PTPRA: variants seen among roughly 807,000 people sequenced by gnomAD.
PTPRA encodes receptor-type tyrosine-protein phosphatase alpha.
A neutral mutation model predicts 104.8 loss-of-function variants in PTPRA; 25 were observed. The observed-to-expected ratio is 0.24, with a 90% CI of 0.17 to 0.33. The LOEUF (loss-of-function observed/expected upper bound fraction) is 0.33, where lower values mean the gene tolerates loss of function less well. Ranked by LOEUF, PTPRA falls within the 10% of genes least tolerant of loss-of-function variation. The pLI, the probability that PTPRA is intolerant of heterozygous loss-of-function variation, is 1.00. For missense variants in PTPRA, 765 were observed against 1,015.3 expected, an observed-to-expected ratio of 0.75 and a Z score of 3.35; for synonymous variants, 323 against 368.9, an observed-to-expected ratio of 0.88 and a Z score of 1.43.
chr20:2,885,903 A>C (rs1001489481), intron 1 of PTPRA, among the ~76,000 whole-genome samples: 3 of 151,808 alleles, frequency 2.0e-5, no homozygotes, highest in Non-Finnish European at 4.4e-5. Flanking sequence ...GTCTCTACTA[A>C]AAATACAAAA....
intron 2 of PTPRA, among the ~76,000 whole-genome samples, chr20:2,931,016 G>C (rs2147503116): frequency 6.6e-6 from 1 of 152,330 alleles, no homozygotes; most frequent in East Asian, 1.9e-4. Context: ...GGGTTGGAGA[G>C]ATGTTAGCTG....
At chr20:2,876,929 T>C (rs2089757371) in intron 1 of PTPRA, among the ~76,000 whole-genome samples, 1 of 152,166 alleles carries the variant, frequency 6.6e-6, no homozygotes, top group Non-Finnish European at 1.5e-5. Context: ...GCCAGTTTCT[T>C]TGAATTTACA....
At chr20:2,947,799 G>A (rs967789) in intron 2 of PTPRA, among the ~76,000 whole-genome samples, 183 bp from the exon 3 acceptor site, 95,789 of 151,974 alleles carry the variant, frequency 0.63, 31,146 homozygotes, top group East Asian at 0.88. Context: ...AGTATCTGAT[G>A]AATATGGTGA....
At chr20:2,979,821 G>A (rs1437835530) in intron 6 of PTPRA, among the ~76,000 whole-genome samples, 1 of 152,228 alleles carries the variant, frequency 6.6e-6, no homozygotes. Flanking sequence ...TGGGCTTACA[G>A]GCATGAGCCA....
rs767634049 is a variant in PTPRA, at chr20:3,038,180, G to A, written c.*47G>A. ...CCAGGAGGATTGCCTTTAATATTTTGTAATATTCTGTTTTGTTAATATACC... is the reference window on the plus strand; with the variant it reads ...CCAGGAGGATTGCCTTTAATATTTTATAATATTCTGTTTTGTTAATATACC... On this transcript the variant is annotated 3_prime_UTR_variant, in exon 24 of 24. Transcript: ENST00000399903. The A allele has an allele frequency of 6.1e-5, 93 of 1,520,968 alleles. No homozygotes were observed. Among genetic ancestry groups the A allele is most frequent in the Non-Finnish European group, 8.0e-5 (88 of 1,096,648 alleles). The allele number at this position is 1,520,968 out of a possible 1,614,324, so 94.2% of individuals were successfully genotyped here.
At chr20:2,977,391 G>A (rs2062480220) in intron 6 of PTPRA, among the ~76,000 whole-genome samples, 2 of 151,416 alleles carry the variant, frequency 1.3e-5, no homozygotes, top group African/African-American at 4.9e-5. Flanking sequence ...TTTTAAGAGT[G>A]TTAGGGCACT....
At chr20:2,939,268 A>G (rs2060817608) in intron 2 of PTPRA, among the ~76,000 whole-genome samples, 1 of 152,204 alleles carries the variant, frequency 6.6e-6, no homozygotes, top group African/African-American at 2.4e-5. Context: ...TCATTTCTCT[A>G]GCTCTCTCCT....
intron 11 of PTPRA, among the ~76,000 whole-genome samples, chr20:3,012,326 A>T (rs2064212857): frequency 6.6e-6 from 1 of 152,236 alleles, no homozygotes; most frequent in Admixed American, 6.5e-5. Context: ...ACAAATGATG[A>T]GGGTTGACAA....
chr20:2,976,558 TA>T (rs1362950177), intron 6 of PTPRA, among the ~76,000 whole-genome samples: 1 of 152,236 alleles, frequency 6.6e-6, no homozygotes, highest in Non-Finnish European at 1.5e-5. Flanking sequence ...TAAAGTCTAT[TA>T]ATGTAATAAA....
At chr20:2,962,391 T>C (rs1037215110) in intron 3 of PTPRA, among the ~76,000 whole-genome samples, 6 of 152,214 alleles carry the variant, frequency 3.9e-5, no homozygotes, top group African/African-American at 1.4e-4. Context: ...TTTTCAAGCA[T>C]TTAATTTTTA....
In PTPRA at chr20:3,038,119, G is replaced by T; in HGVS notation, c.2395G>T (p.Ala799Ser). The change falls in exon 24 of 24, where the codon GCC becomes TCC. Residue 799 changes from alanine to serine, a missense_variant. By Grantham distance (99) the Ala-to-Ser change is moderately conservative (BLOSUM62 1). Transcript: ENST00000399903. The part of the protein sequence containing the change: ...QEYIDAFSDY[A>S]NFK The stretch of plus-strand genomic sequence containing the variant: ...GTATATTGATGCATTCTCAGATTAT[G>T]CCAACTTCAAGTAAGCGGCAACAAG... 1 of 1,611,548 alleles carries T rather than the reference G, an allele frequency of 6.2e-7. No homozygotes were observed. Among genetic ancestry groups the T allele is most frequent in the Non-Finnish European group, 8.5e-7 (1 of 1,177,640 alleles).
At position 3,027,757 on chromosome 20, in the gene PTPRA, C is replaced by T. The variant is rs769444158; in HGVS notation, c.1836C>T (p.His612=). ...TCGCCAGCCAGGGCCCTCTTCTCCA[C>T]ACAATTGAGGACTTCTGGCGAATGA... The part of the protein sequence containing the change: ...SYIASQGPLL[H]TIEDFWRMIW... Residue 612 remains histidine, a synonymous_variant, in exon 20 of 24, where the codon CAC becomes CAT. Coordinates refer to ENST00000399903, the MANE Select transcript of PTPRA (RefSeq NM_001385305.1). 1 of 1,614,148 alleles carries T rather than the reference C, an allele frequency of 6.2e-7. No homozygotes were observed. The highest frequency in any genetic ancestry group is 8.5e-7 in the Non-Finnish European group (1 of 1,180,028).
intron 5 of PTPRA, among the ~76,000 whole-genome samples, chr20:2,967,034 T>C (rs2061973012): frequency 6.6e-6 from 1 of 152,226 alleles, no homozygotes; most frequent in African/African-American, 2.4e-5. Flanking sequence ...TGTCTTTCAT[T>C]TAACAGTTCT....
chr20:2,941,994 A>G (rs2060941424), intron 2 of PTPRA, among the ~76,000 whole-genome samples: 1 of 152,150 alleles, frequency 6.6e-6, no homozygotes, highest in Non-Finnish European at 1.5e-5. Context: ...TTCTGCTACT[A>G]GACTGTAAGC....
intron 9 of PTPRA, 95 bp downstream of exon 9, chr20:2,988,569 G>A (rs571446245): frequency 1.3e-6 from 2 of 1,498,472 alleles, no homozygotes; most frequent in Admixed American, 2.7e-5. Context: ...TAAAAAATGG[G>A]CTTTTAATGT....
intron 1 of PTPRA, among the ~76,000 whole-genome samples, chr20:2,921,954 T>G (rs1002600445): frequency 6.6e-6 from 1 of 152,144 alleles, no homozygotes; most frequent in Non-Finnish European, 1.5e-5. Flanking sequence ...ACTGGATACT[T>G]TGTTATAGGG....
intron 2 of PTPRA, among the ~76,000 whole-genome samples, chr20:2,927,963 T>A (rs549604219): frequency 2.6e-4 from 39 of 151,992 alleles, no homozygotes; most frequent in African/African-American, 8.2e-4. Flanking sequence ...TGAGCCAAGA[T>A]CATACCATTG....
chr20:3,025,720 T>C (rs1600275804), intron 17 of PTPRA, among the ~76,000 whole-genome samples: 1 of 142,666 alleles, frequency 7.0e-6, no homozygotes, highest in Admixed American at 7.1e-5. Context: ...AAATACAAAA[T>C]TAGCCAGGCA....
chr20:2,967,637 G>A (rs2061994796), intron 5 of PTPRA, among the ~76,000 whole-genome samples: 1 of 152,214 alleles, frequency 6.6e-6, no homozygotes, highest in African/African-American at 2.4e-5. Context: ...AAGGTGGACA[G>A]ATCACTTGAG....
Sources: gnomAD v4.1 joint callset for allele counts (sites outside exome capture counted in the v4.1 genomes callset) on GRCh38, gnomAD v4.1.1 for gene constraint, MANE v1.5 for transcripts, NCBI Gene and HGNC (gene_info 2026-07-23, HGNC 2026-07-21) for gene names.